SHOC1: variants seen among roughly 807,000 people sequenced by gnomAD.
The protein encoded by SHOC1 is protein shortage in chiasmata 1 ortholog.
A neutral mutation model predicts 179.2 loss-of-function variants in SHOC1; 136 were observed. That is an observed-to-expected ratio of 0.76 (90% confidence interval 0.66 to 0.87). The LOEUF (loss-of-function observed/expected upper bound fraction) is 0.87, where lower values mean the gene tolerates loss of function less well. Among genes scored for constraint, SHOC1 ranks in the 40% least tolerant of loss-of-function variants. The pLI is 0.00. For missense variants in SHOC1, 1,538 were observed against 1,700.8 expected, an observed-to-expected ratio of 0.90 and a Z score of 1.68; for synonymous variants, 489 against 586.6, an observed-to-expected ratio of 0.83 and a Z score of 2.41.
At chr9:111,694,418 AT>A (rs1230474671) in intron 24 of SHOC1, 56 bp from the exon 25 acceptor site, 2 of 1,323,576 alleles carry the variant, frequency 1.5e-6, no homozygotes, top group African/African-American at 1.5e-5. Flanking sequence ...AAAATATAAT[AT>A]TTTTTAAACA....
intron 1 of SHOC1, among the ~76,000 whole-genome samples, chr9:111,794,524 C>T (rs1836558400): frequency 6.6e-6 from 1 of 152,130 alleles, no homozygotes; most frequent in African/African-American, 2.4e-5. Flanking sequence ...GCAGAGGTTG[C>T]AGTGAACCGA....
At chr9:111,705,180 C>A (rs1436518013) in intron 21 of SHOC1, 67 bp downstream of exon 21, 5 of 622,430 alleles carry the variant, frequency 8.0e-6, no homozygotes, top group Non-Finnish European at 1.1e-5. Context: ...TACACACACA[C>A]ACACACACAC....
rs1832117465 is a variant in SHOC1 at position 111,703,941 on chromosome 9, A to G, written c.2907T>C (p.Phe969=). 1 of 1,609,636 alleles carries G rather than the reference A, an allele frequency of 6.2e-7. No homozygotes were observed. Among genetic ancestry groups the G allele is most frequent in the Non-Finnish European group, 8.5e-7 (1 of 1,178,314 alleles). The change falls in exon 22 of 28, where the codon TTT becomes TTC. Residue 969 remains phenylalanine (F), a synonymous_variant. Transcript: ENST00000682961. ...ERGCSESLKL[F]GSSECYVVVT... is the part of the protein sequence containing the mutation. ...CCACTACATAACACTCTGAACTTCC[A>G]AAGAGTTTCAATGACTCACTGCAGC...
At chr9:111,761,148 A>G (rs1466604867) in intron 5 of SHOC1, among the ~76,000 whole-genome samples, 9 of 152,134 alleles carry the variant, frequency 5.9e-5, no homozygotes, top group Non-Finnish European at 1.5e-5. Flanking sequence ...AATTATCAAA[A>G]ACACTTGGAA....
At chr9:111,697,827 A>G (rs1288645557) in intron 24 of SHOC1, among the ~76,000 whole-genome samples, 1 of 152,074 alleles carries the variant, frequency 6.6e-6, no homozygotes, top group African/African-American at 2.4e-5. Flanking sequence ...AAGTGTTCCT[A>G]TTTCTCCACA....
chr9:111,702,331 A>G, intron 22 of SHOC1, 105 bp from the exon 23 acceptor site: 2 of 773,032 alleles, frequency 2.6e-6, no homozygotes, highest in South Asian at 3.5e-5. Context: ...TAAGTTGAAA[A>G]GAGGCATGGG....
At position 111,706,731 on chromosome 9, in the gene SHOC1, T is replaced by C. The variant is rs1832294505; in HGVS notation, c.2574A>G (p.Val858=). 1.3e-6 allele frequency: 2 copies of C among 1,594,694 alleles called. No individual in the cohort carries two copies. Among genetic ancestry groups the C allele is most frequent in the Admixed American group, 1.8e-5 (1 of 56,702 alleles). The part of the protein sequence containing the change: ...EGVLRGTSSC[V]VVHNQYIGAD... ...CTCCAATATATTGATTATGTACAACTACACAGGAACTTGTACTAAAGACAA... is the reference window on the plus strand; with the variant it reads ...CTCCAATATATTGATTATGTACAACCACACAGGAACTTGTACTAAAGACAA... The change falls in exon 20 of 28, where the codon GTA becomes GTG. Residue 858 remains valine (V), a synonymous_variant. Coordinates refer to ENST00000682961, the MANE Select transcript of SHOC1 (RefSeq NM_001378211.1).
intron 3 of SHOC1, among the ~76,000 whole-genome samples, chr9:111,781,580 G>A (rs150419738): frequency 3.9e-5 from 6 of 152,054 alleles, no homozygotes; most frequent in Admixed American, 2.0e-4. Flanking sequence ...AAAATTAGCC[G>A]GGCATGGTAG....
At chr9:111,716,113 A>G (rs1832774787) in intron 16 of SHOC1, among the ~76,000 whole-genome samples, 1 of 152,212 alleles carries the variant, frequency 6.6e-6, no homozygotes, top group African/African-American at 2.4e-5. Flanking sequence ...GTCCAAAGCA[A>G]CTACATTATT....
chr9:111,704,065 T>C (rs1244819388), intron 21 of SHOC1, 73 bp from the exon 22 acceptor site: 3 of 674,436 alleles, frequency 4.4e-6, no homozygotes, highest in African/African-American at 1.8e-5. Flanking sequence ...TGTAGTTCCC[T>C]CCTGCATGTT....
At chr9:111,767,288 C>A (rs1327073835) in intron 5 of SHOC1, among the ~76,000 whole-genome samples, 4 of 152,108 alleles carry the variant, frequency 2.6e-5, no homozygotes, top group Non-Finnish European at 5.9e-5. Context: ...TGGAGCATAT[C>A]CCCAATGTTT....
intron 1 of SHOC1, among the ~76,000 whole-genome samples, 154 bp from the exon 2 acceptor site, chr9:111,791,608 A>T (rs961323487): frequency 6.6e-6 from 1 of 152,210 alleles, no homozygotes; most frequent in Non-Finnish European, 1.5e-5. Flanking sequence ...TTTAAATCTA[A>T]TATGAAAATA....
chr9:111,734,375 ATCT>A (rs926148790), intron 12 of SHOC1, among the ~76,000 whole-genome samples: 7 of 152,184 alleles, frequency 4.6e-5, no homozygotes, highest in African/African-American at 1.4e-4. Context: ...ACCTCATAAA[ATCT>A]TCTCCCTTTT....
rs1831154717 is a variant in SHOC1 at position 111,686,232 on chromosome 9, T to C, written c.*538A>G. 6.6e-6 allele frequency: 1 copy of C among 152,248 alleles called. No individual in the cohort carries two copies. Among genetic ancestry groups the C allele is most frequent in the African/African-American group, 2.4e-5 (1 of 41,470 alleles). 9.4% of individuals were successfully genotyped at this position (152,248 alleles called of 1,614,324 possible). ...TTCTGAGGAAATATCTGTTCATATA[T>C]TTTGCCCGTTCTTCTATCAGGTTGT... is the stretch of plus-strand genomic sequence containing the variant. On this transcript the variant is annotated 3_prime_UTR_variant, in exon 28 of 28. Transcript: ENST00000682961.
chr9:111,717,972 G>T (rs1437793184), intron 16 of SHOC1, among the ~76,000 whole-genome samples: 1 of 152,126 alleles, frequency 6.6e-6, no homozygotes, highest in Admixed American at 6.5e-5. Flanking sequence ...TCTAGGTGAT[G>T]ACAGTGTTAA....
At chr9:111,749,771 G>C (rs12339484) in intron 8 of SHOC1, among the ~76,000 whole-genome samples, 1 of 151,970 alleles carries the variant, frequency 6.6e-6, no homozygotes, top group African/African-American at 2.4e-5. Context: ...GAGAACATGT[G>C]GTGTTTGGCT....
At chr9:111,768,667 T>A (rs921296682) in intron 5 of SHOC1, among the ~76,000 whole-genome samples, 1 of 152,242 alleles carries the variant, frequency 6.6e-6, no homozygotes, top group African/African-American at 2.4e-5. Context: ...ATTGCATAAA[T>A]CTTTGTTTTT....
In SHOC1 at chr9:111,691,613, C is replaced by T; in HGVS notation, c.4364G>A (p.Ser1455Asn). The T allele has an allele frequency of 6.2e-7, 1 of 1,613,866 alleles. No individual in the cohort carries two copies. Among genetic ancestry groups the T allele is most frequent in the Non-Finnish European group, 8.5e-7 (1 of 1,179,896 alleles). Residue 1455 changes from serine (S) to asparagine (N), a missense_variant, in exon 27 of 28, where the codon AGT becomes AAT. Coordinates refer to ENST00000682961, the MANE Select transcript of SHOC1 (RefSeq NM_001378211.1). Reference protein sequence around the residue: ...SLYFYQRAGKSLGQKRHHESS... With the variant: ...SLYFYQRAGKNLGQKRHHESS... ...TTCATGGTGCCTTTTCTGTCCTAAA[C>T]TTTTTCCAGCTCTTTGGTAGAAATA...
At chr9:111,711,421 T>G (rs958524299) in intron 18 of SHOC1, among the ~76,000 whole-genome samples, 1 of 152,200 alleles carries the variant, frequency 6.6e-6, no homozygotes. Context: ...GATCCTCTCC[T>G]GTCCTCTTCC....
Sources: gnomAD v4.1 joint callset for allele counts (sites outside exome capture counted in the v4.1 genomes callset) on GRCh38, gnomAD v4.1.1 for gene constraint, MANE v1.5 for transcripts, NCBI Gene and HGNC (gene_info 2026-07-23, HGNC 2026-07-21) for gene names.